Variants in NFATC1 observed in about 807,000 individuals in gnomAD.
NFATC1 encodes nuclear factor of activated T-cells, cytoplasmic 1.
Under a neutral mutation model 76.0 loss-of-function variants are expected in NFATC1, and 22 were observed. The observed-to-expected ratio is 0.29, with a 90% confidence interval of 0.21 to 0.41. The LOEUF is 0.41. Among genes scored for constraint, NFATC1 ranks in the 10% least tolerant of loss-of-function variants. The probability of loss-of-function intolerance (pLI) is 1.00; values close to 1 mark genes in which losing one functional copy is unlikely to be tolerated. For synonymous variants in NFATC1, 704 were observed against 613.1 expected, an observed-to-expected ratio of 1.15 and a Z score of -2.19; for missense variants, 1,357 against 1,337.7, an observed-to-expected ratio of 1.01 and a Z score of -0.23.
chr18:79,518,958 C>T (rs932467051), intron 9 of NFATC1, among the ~76,000 whole-genome samples: 12 of 152,338 alleles, frequency 7.9e-5, no homozygotes, highest in African/African-American at 2.9e-4. Context: ...ATTCACAGAG[C>T]AGAACGGGGT....
At chr18:79,442,097 G>T (rs2086999583) in intron 3 of NFATC1, among the ~76,000 whole-genome samples, 1 of 152,196 alleles carries the variant, frequency 6.6e-6, no homozygotes, top group Non-Finnish European at 1.5e-5. Flanking sequence ...CGCTGGTGGG[G>T]CAAGGTGGTC....
At chr18:79,519,277 C>T (rs957266675) in intron 9 of NFATC1, among the ~76,000 whole-genome samples, 3 of 152,164 alleles carry the variant, frequency 2.0e-5, no homozygotes, top group Non-Finnish European at 2.9e-5. Context: ...TCTGAAAAAC[C>T]CTTACAAGGC....
intron 9 of NFATC1, among the ~76,000 whole-genome samples, chr18:79,500,671 C>T (rs1158315290): frequency 2.0e-5 from 3 of 152,040 alleles, no homozygotes; most frequent in Non-Finnish European, 4.4e-5. Context: ...AAAGAGGGGA[C>T]ATTGCTACTG....
chr18:79,458,633 G>A (rs1293818937), intron 6 of NFATC1, among the ~76,000 whole-genome samples: 1 of 152,246 alleles, frequency 6.6e-6, no homozygotes, highest in African/African-American at 2.4e-5. Context: ...CACTCGGGCA[G>A]TTTCCTACTA....
rs74631059 is a variant in NFATC1, at chr18:79,473,125, T to A, written c.2092+5543T>A. Among the ~76,000 whole-genome samples, 1,465 of 152,340 alleles carry A rather than the reference T, an allele frequency of 9.6e-3. 14 individuals are homozygous for A. The highest frequency in any genetic ancestry group is 0.023 in the South Asian group (109 of 4,830). ...AGACAGAGCGGATGATGCTGACATT[T>A]CCAGCCCACAGCGTGGCCTGCGCCA... On this transcript the variant is annotated intron_variant, in intron 8 of 9. Transcript: ENST00000427363.
At chr18:79,469,713 G>A (rs772983122) in intron 8 of NFATC1, 237 of 985,882 alleles carry the variant, frequency 2.4e-4, no homozygotes, top group Non-Finnish European at 2.7e-4. Flanking sequence ...ACCAGCCTTC[G>A]CCCGTTCTCC....
At chr18:79,446,969 C>T (rs1218333599) in intron 3 of NFATC1, among the ~76,000 whole-genome samples, 2 of 152,362 alleles carry the variant, frequency 1.3e-5, no homozygotes, top group Non-Finnish European at 2.9e-5. Flanking sequence ...CTCAGCCTCA[C>T]GCGGCGTCCC....
chr18:79,459,390 G>A (rs2087932229), intron 6 of NFATC1, among the ~76,000 whole-genome samples: 1 of 152,220 alleles, frequency 6.6e-6, no homozygotes, highest in Admixed American at 6.5e-5. Context: ...GGAGGCCGCG[G>A]GGGAGACGGC....
intron 8 of NFATC1, among the ~76,000 whole-genome samples, chr18:79,476,966 A>G (rs1213523690): frequency 6.6e-6 from 1 of 152,206 alleles, no homozygotes; most frequent in African/African-American, 2.4e-5. Context: ...CCAAAGGCGG[A>G]TGGAGTTCGG....
intron 3 of NFATC1, among the ~76,000 whole-genome samples, chr18:79,440,643 G>A (rs1288766857): frequency 1.3e-5 from 2 of 152,240 alleles, no homozygotes; most frequent in Admixed American, 1.3e-4. Flanking sequence ...CTGTGACCCA[G>A]CTGGGTTCTC....
intron 4 of NFATC1, 137 bp downstream of exon 4, chr18:79,449,121 T>A: frequency 1.3e-6 from 1 of 744,906 alleles, no homozygotes; most frequent in Non-Finnish European, 2.1e-6. Flanking sequence ...TAACAGCCAA[T>A]AAGTAAACTT....
chr18:79,528,415 G>C lies in NFATC1; in HGVS notation c.*838G>C, dbSNP rs894170802. 1 of 152,392 alleles carries C rather than the reference G, an allele frequency of 6.6e-6. No homozygotes were observed. The highest frequency in any genetic ancestry group is 1.9e-4 in the East Asian group (1 of 5,204). The allele number at this position is 152,392 out of a possible 1,614,324, so 9.4% of individuals were successfully genotyped here. Reference sequence around the variant, plus strand: ...TTTATGTATAAATAATAACAGAGCCGACGTGTCCTCGCCCAGGAGGGCTTC... The same window carrying C: ...TTTATGTATAAATAATAACAGAGCCCACGTGTCCTCGCCCAGGAGGGCTTC... On this transcript the variant is annotated 3_prime_UTR_variant, in exon 10 of 10. Transcript: ENST00000427363.
chr18:79,487,741 C>T (rs116518098), intron 9 of NFATC1, among the ~76,000 whole-genome samples: 2,601 of 152,228 alleles, frequency 0.017, 70 homozygotes, highest in African/African-American at 0.06. Flanking sequence ...GTGATCGGGG[C>T]GTGCCCGTGG....
intron 1 of NFATC1, among the ~76,000 whole-genome samples, chr18:79,404,882 G>A (rs1458995209): frequency 6.6e-6 from 1 of 152,222 alleles, no homozygotes; most frequent in African/African-American, 2.4e-5. Flanking sequence ...CCTGTAGGGA[G>A]CCCTGACCAG....
intron 1 of NFATC1, among the ~76,000 whole-genome samples, chr18:79,406,875 A>G (rs1180317352): frequency 6.6e-6 from 1 of 150,968 alleles, no homozygotes; most frequent in African/African-American, 2.4e-5. Flanking sequence ...GGTCTTCCGC[A>G]GCGCTCCATG....
chr18:79,487,645 G>A (rs1437598089), intron 9 of NFATC1, among the ~76,000 whole-genome samples: 1 of 152,254 alleles, frequency 6.6e-6, no homozygotes, highest in Non-Finnish European at 1.5e-5. Flanking sequence ...AGGCCTTTCT[G>A]TGACGAGTGG....
chr18:79,424,458 G>A (rs183100811), intron 2 of NFATC1, among the ~76,000 whole-genome samples: 1 of 151,310 alleles, frequency 6.6e-6, no homozygotes, highest in Non-Finnish European at 1.5e-5. Flanking sequence ...GGAGAAATGC[G>A]CTGATCGTCT....
intron 2 of NFATC1, among the ~76,000 whole-genome samples, chr18:79,427,444 C>T (rs1224621886): frequency 2.1e-4 from 14 of 65,952 alleles, no homozygotes; most frequent in Admixed American, 6.0e-4. Flanking sequence ...GGGAGCTGGA[C>T]GGCTGGCCTC....
chr18:79,405,900 G>A (rs1442765877), intron 1 of NFATC1, among the ~76,000 whole-genome samples: 1 of 152,190 alleles, frequency 6.6e-6, no homozygotes, highest in African/African-American at 2.4e-5. Flanking sequence ...CGCTGTGGGC[G>A]GAGTCTCCTC....
Sources: gnomAD v4.1 joint callset for allele counts (sites outside exome capture counted in the v4.1 genomes callset) on GRCh38, gnomAD v4.1.1 for gene constraint, MANE v1.5 for transcripts, NCBI Gene and HGNC (gene_info 2026-07-23, HGNC 2026-07-21) for gene names.